DCLK1: variants seen among roughly 807,000 people sequenced by gnomAD.
DCLK1 encodes the protein serine/threonine-protein kinase DCLK1.
DCLK1 carries 16 observed loss-of-function variants against 86.2 expected under a neutral mutation model. That is an observed-to-expected ratio of 0.19 (90% CI 0.13 to 0.28). The LOEUF is 0.28. DCLK1 is among the 10% of genes least tolerant of loss of function. The pLI, the probability that DCLK1 is intolerant of heterozygous loss-of-function variation, is 1.00. For missense variants in DCLK1, 590 were observed against 940.2 expected, an observed-to-expected ratio of 0.63 and a Z score of 4.87; for synonymous variants, 369 against 370.5, an observed-to-expected ratio of 1.00 and a Z score of 0.05.
At position 36,111,862 on chromosome 13, in the gene DCLK1, C is replaced by G. The variant is rs759406441; in HGVS notation, c.723+7G>C. ...AAGTCAAAGTCACATCACAATATGT[C>G]TCTTACCTGTTTCCCATCCAACGTG... is the stretch of plus-strand genomic sequence containing the variant. On this transcript the variant is annotated splice_region_variant and intron_variant, in intron 3 of 16. Coordinates refer to ENST00000360631, the MANE Select transcript of DCLK1 (RefSeq NM_001330071.2). 1.9e-6 allele frequency: 3 copies of G among 1,607,166 alleles called. No individual in the cohort carries two copies. In the South Asian group the frequency reaches 3.3e-5, roughly 18 times the overall value.
chr13:35,857,536 C>CATGCATCTAACTTTCAAAATACTCTTTCA (rs1386524414), intron 5 of DCLK1, among the ~76,000 whole-genome samples: 1 of 152,236 alleles, frequency 6.6e-6, no homozygotes, highest in Non-Finnish European at 1.5e-5. Context: ...ACTGTCTATT[C>CATGCATCTAACTTTCAAAATACTCTTTCA]TGCATCTAAC....
chr13:35,936,791 C>A (rs949620863), intron 4 of DCLK1, among the ~76,000 whole-genome samples: 9 of 152,060 alleles, frequency 5.9e-5, no homozygotes, highest in Non-Finnish European at 8.8e-5. Flanking sequence ...AATTTAAATT[C>A]TTCCCAAGAG....
rs998078895 is a variant in DCLK1, at chr13:35,825,600, C to G, written c.1407+2035G>C. 4.0e-5 allele frequency among the ~76,000 whole-genome samples: 6 copies of G among 151,750 alleles called. No individual in the cohort carries two copies. In the South Asian group the frequency reaches 8.3e-4, roughly 21 times the overall value. On this transcript the variant is annotated intron_variant, in intron 10 of 16. Coordinates refer to ENST00000360631, the MANE Select transcript of DCLK1 (RefSeq NM_001330071.2). Reference sequence around the variant, plus strand: ...AAATCAGCCAACAGTGGGGGTAAGTCAATAATAACGGGGGGTAATCAAATT... The same window carrying G: ...AAATCAGCCAACAGTGGGGGTAAGTGAATAATAACGGGGGGTAATCAAATT...
chr13:36,054,266 G>A (rs1482781044), intron 3 of DCLK1, among the ~76,000 whole-genome samples: 3 of 152,108 alleles, frequency 2.0e-5, no homozygotes, highest in Non-Finnish European at 2.9e-5. Context: ...GAATCCCCGA[G>A]GCTACTCCAC....
chr13:35,776,698 G>A (rs183717268), intron 16 of DCLK1, among the ~76,000 whole-genome samples: 1 of 152,200 alleles, frequency 6.6e-6, no homozygotes, highest in African/African-American at 2.4e-5. Context: ...TTTGATGTAA[G>A]ACACTGTTTT....
intron 6 of DCLK1, among the ~76,000 whole-genome samples, chr13:35,853,711 C>T (rs1870830780): frequency 6.6e-6 from 1 of 152,198 alleles, no homozygotes; most frequent in Non-Finnish European, 1.5e-5. Context: ...ATCATGAAAC[C>T]TCCTAGGAGC....
Position 36,112,000 on chromosome 13 carries a change from G to A in DCLK1, c.592C>T (p.Arg198Trp), listed in dbSNP as rs745784836. The A allele has an allele frequency of 1.2e-6, 2 of 1,614,192 alleles. No individual in the cohort carries two copies. The highest frequency in any genetic ancestry group is 1.7e-6 in the Non-Finnish European group (2 of 1,180,040). ...VTIIRSGVKP[R>W]KAVRILLNKK... ...TTCAGCAGAATCCTGACAGCTTTCCGTGGCTTCACGCCACTTCTGATGATG... is the reference window on the plus strand; with the variant it reads ...TTCAGCAGAATCCTGACAGCTTTCCATGGCTTCACGCCACTTCTGATGATG... The change falls in exon 3 of 17, where the codon CGG becomes TGG. Residue 198 changes from arginine to tryptophan, a missense_variant. Coordinates refer to ENST00000360631, the MANE Select transcript of DCLK1 (RefSeq NM_001330071.2).
chr13:35,828,214 A>T (rs781506403), intron 9 of DCLK1, 36 bp downstream of exon 9: 1 of 1,544,594 alleles, frequency 6.5e-7, no homozygotes, highest in South Asian at 1.1e-5. Context: ...GACCTCTTGA[A>T]CACTCTTATC....
intron 5 of DCLK1, among the ~76,000 whole-genome samples, chr13:35,866,464 T>C (rs1871796563): frequency 7.0e-6 from 1 of 143,364 alleles, no homozygotes; most frequent in Non-Finnish European, 1.5e-5. Context: ...TTTTTTTTTT[T>C]TTTTTTGAGA....
intron 5 of DCLK1, among the ~76,000 whole-genome samples, chr13:35,858,337 G>C (rs1190052451): frequency 1.3e-5 from 2 of 152,190 alleles, no homozygotes. Flanking sequence ...CAAGGACAGA[G>C]AGTTTGGACA....
At chr13:35,814,071 C>T (rs1393622882) in intron 11 of DCLK1, among the ~76,000 whole-genome samples, 2 of 152,004 alleles carry the variant, frequency 1.3e-5, no homozygotes, top group Non-Finnish European at 2.9e-5. Flanking sequence ...GAGAGCCCTT[C>T]CCTCAGTGGT....
intron 4 of DCLK1, among the ~76,000 whole-genome samples, chr13:35,934,730 T>C (rs1876662203): frequency 6.6e-6 from 1 of 152,130 alleles, no homozygotes; most frequent in African/African-American, 2.4e-5. Context: ...TGTGTGTGTG[T>C]CTGTGTTTGT....
intron 10 of DCLK1, among the ~76,000 whole-genome samples, chr13:35,825,124 C>CTCATCTCATGCCGTCCATCTCA: frequency 6.6e-6 from 1 of 152,228 alleles, no homozygotes; most frequent in Non-Finnish European, 1.5e-5. Flanking sequence ...TGCCGATCCA[C>CTCATCTCATGCCGTCCATCTCA]TGCCGTCCGG....
intron 3 of DCLK1, among the ~76,000 whole-genome samples, chr13:36,018,926 C>G (rs190412118): frequency 5.3e-5 from 8 of 152,222 alleles, no homozygotes; most frequent in East Asian, 1.9e-4. Context: ...TTTTCTTTCA[C>G]TAAAAATGCA....
At position 36,096,124 on chromosome 13, in the gene DCLK1, CT is replaced by C. The variant is rs555549761; in HGVS notation, c.723+15744del. Reference sequence around the variant, plus strand: ...AACCACCACCAAAACCCCTTTGGTTCTTTGGAGAGACAGATTACCAAGAAGG... The same window carrying C: ...AACCACCACCAAAACCCCTTTGGTTCTTGGAGAGACAGATTACCAAGAAGG... On this transcript the variant is annotated intron_variant, in intron 3 of 16. Transcript: ENST00000360631. Among the ~76,000 whole-genome samples the C allele has an allele frequency of 9.2e-5, 14 of 152,214 alleles. No individual in the cohort carries two copies. In the South Asian group the frequency reaches 2.7e-3, roughly 29 times the overall value.
chr13:35,828,995 A>C (rs1868722888), intron 8 of DCLK1, among the ~76,000 whole-genome samples: 1 of 152,146 alleles, frequency 6.6e-6, no homozygotes, highest in African/African-American at 2.4e-5. Context: ...GAAAGGGATA[A>C]AATCTATTTC....
chr13:35,966,547 G>A (rs1172822037), intron 3 of DCLK1, among the ~76,000 whole-genome samples: 3 of 119,748 alleles, frequency 2.5e-5, no homozygotes, highest in Non-Finnish European at 3.2e-5. Flanking sequence ...GTCTCCCTCT[G>A]ATGCTGAGCG....
intron 4 of DCLK1, among the ~76,000 whole-genome samples, chr13:35,881,142 C>T (rs1373332190): frequency 3.3e-5 from 5 of 152,172 alleles, no homozygotes; most frequent in African/African-American, 1.2e-4. Flanking sequence ...GAAGGTAGCA[C>T]ACTCTAAGTC....
At position 35,826,564 on chromosome 13, in the gene DCLK1, A is replaced by AAGGAAGGAAGGAAGGAAGGG. The variant is rs1555342400; in HGVS notation, c.1407+1070_1407+1071insCCCTTCCTTCCTTCCTTCCT. Among the ~76,000 whole-genome samples the AAGGAAGGAAGGAAGGAAGGG allele has an allele frequency of 1.7e-3, 80 of 46,046 alleles. 16 individuals are homozygous for AAGGAAGGAAGGAAGGAAGGG. Among genetic ancestry groups the AAGGAAGGAAGGAAGGAAGGG allele is most frequent in the Admixed American group, 4.6e-3 (15 of 3,270 alleles). 30.2% of individuals were successfully genotyped at this position (46,046 alleles called of 152,430 possible). ...AAAAGAAAGAAAGAAAGAAAGAAACAAGTCCTAATTTGAAGTAGACTAAAA... is the reference window on the plus strand; with the variant it reads ...AAAAGAAAGAAAGAAAGAAAGAAACAAGGAAGGAAGGAAGGAAGGGAGTCCTAATTTGAAGTAGACTAAAA... On this transcript the variant is annotated intron_variant, in intron 10 of 16. Transcript: ENST00000360631.
Sources: gnomAD v4.1 joint callset for allele counts (sites outside exome capture counted in the v4.1 genomes callset) on GRCh38, gnomAD v4.1.1 for gene constraint, MANE v1.5 for transcripts, NCBI Gene and HGNC (gene_info 2026-07-23, HGNC 2026-07-21) for gene names.